PRR20G: variants seen among roughly 807,000 people sequenced by gnomAD.
PRR20G encodes proline-rich protein 20G.
chr3:127,284,058 G>A lies in PRR20G; in HGVS notation c.*2C>T, dbSNP rs1349724475. ...GGCTGGCAGCAATACGGATGACAGA[G>A]GTTAGTGTGCAGAGTGGGCAGGGAA... On this transcript the variant is annotated 3_prime_UTR_variant, in exon 3 of 3. Coordinates refer to ENST00000465482, the MANE Select transcript of PRR20G (RefSeq NM_001362810.2). 6.6e-6 allele frequency: 1 copy of A among 152,482 alleles called. No individual in the cohort carries two copies. The highest frequency in any genetic ancestry group is 1.5e-5 in the Non-Finnish European group (1 of 68,274). The allele number at this position is 152,482 out of a possible 1,614,324, so 9.4% of individuals were successfully genotyped here. A position where few individuals can be genotyped will look rare whatever the true frequency, so the allele number is the denominator to read the frequency against.
intron 2 of PRR20G, among the ~76,000 whole-genome samples, chr3:127,285,232 T>C (rs2080381469): frequency 6.6e-6 from 1 of 152,164 alleles, no homozygotes; most frequent in South Asian, 2.1e-4. Context: ...CAAGTAAGCA[T>C]CTTAACATGT....
chr3:127,287,625 T>C (rs1197705783), intron 1 of PRR20G, among the ~76,000 whole-genome samples: 7 of 152,274 alleles, frequency 4.6e-5, no homozygotes, highest in Admixed American at 2.0e-4. Flanking sequence ...CAAGCGGGGA[T>C]TGGCCTAGAG....
intron 2 of PRR20G, among the ~76,000 whole-genome samples, chr3:127,285,236 AAC>A (rs902372303): frequency 9.8e-5 from 15 of 152,366 alleles, no homozygotes; most frequent in African/African-American, 3.6e-4. Context: ...TAAGCATCTT[AAC>A]ATGTATTGGG....
chr3:127,287,603 T>A (rs975619694), intron 1 of PRR20G, among the ~76,000 whole-genome samples: 1 of 152,128 alleles, frequency 6.6e-6, no homozygotes, highest in African/African-American at 2.4e-5. Context: ...GATTTCCAAG[T>A]GGAGCCAGTA....
At position 127,284,218 on chromosome 3, in the gene PRR20G, G is replaced by A. The variant is rs1056323829; in HGVS notation, c.475C>T (p.Pro159Ser). The A allele has an allele frequency of 6.6e-6, 1 of 152,420 alleles. No individual in the cohort carries two copies. The highest frequency in any genetic ancestry group is 2.1e-4 in the South Asian group (1 of 4,838). The allele number at this position is 152,420 out of a possible 1,614,324, so 9.4% of individuals were successfully genotyped here. A position where few individuals can be genotyped will look rare whatever the true frequency, so the allele number is the denominator to read the frequency against. The change falls in exon 3 of 3, where the codon CCT becomes TCT. Residue 159 changes from proline to serine, a missense_variant. Transcript: ENST00000465482. ...TGCCTGGCCACAGCCACAGGCCCAG[G>A]AGCAGGAGGTGGCTCCTGAAGCCCC... Reference protein sequence around the residue: ...EVGLQEPPPAPGPVAVARQTM... With the variant: ...EVGLQEPPPASGPVAVARQTM...
chr3:127,287,307 A>G lies in PRR20G; in HGVS notation c.52+7T>C, dbSNP rs1373893149. ...AATTAAAAAGAGTGGTAGGCGTTTGATGGTACCTTGATTTGGGGCCAGGAA... is the reference window on the plus strand; with the variant it reads ...AATTAAAAAGAGTGGTAGGCGTTTGGTGGTACCTTGATTTGGGGCCAGGAA... On this transcript the variant is annotated splice_region_variant and intron_variant, in intron 2 of 2. Coordinates refer to ENST00000465482, the MANE Select transcript of PRR20G (RefSeq NM_001362810.2). Among the ~76,000 whole-genome samples, 4 of 152,306 alleles carry G rather than the reference A, an allele frequency of 2.6e-5. No individual in the cohort carries two copies. In the East Asian group the frequency reaches 7.7e-4, roughly 29 times the overall value.
chr3:127,285,241 G>A (rs1169645817), intron 2 of PRR20G, among the ~76,000 whole-genome samples: 1 of 152,192 alleles, frequency 6.6e-6, no homozygotes, highest in Non-Finnish European at 1.5e-5. Flanking sequence ...ATCTTAACAT[G>A]TATTGGGAAG....
At chr3:127,284,690 G>A (rs1176518771) in intron 2 of PRR20G, 50 bp from the exon 3 acceptor site, 1 of 153,708 alleles carries the variant, frequency 6.5e-6, no homozygotes, top group East Asian at 1.9e-4. Context: ...TGCCCAGGAA[G>A]CCTTCAGGAA....
intron 2 of PRR20G, among the ~76,000 whole-genome samples, 160 bp downstream of exon 2, chr3:127,287,154 T>G (rs1360897964): frequency 6.6e-6 from 1 of 152,174 alleles, no homozygotes; most frequent in Non-Finnish European, 1.5e-5. Flanking sequence ...GCTACCCAGA[T>G]GGAGGTGGTG....
intron 2 of PRR20G, among the ~76,000 whole-genome samples, chr3:127,286,266 C>A (rs868787006): frequency 6.6e-6 from 1 of 152,098 alleles, no homozygotes; most frequent in African/African-American, 2.4e-5. Context: ...TCAAAAGCAG[C>A]AATTAAATCT....
At chr3:127,287,059 CCA>C (rs1350677159) in intron 2 of PRR20G, among the ~76,000 whole-genome samples, 2 of 151,850 alleles carry the variant, frequency 1.3e-5, no homozygotes, top group African/African-American at 4.8e-5. Context: ...AGCGGGAAGA[CCA>C]TAAATAAAGT....
chr3:127,287,197 T>TTGAGAA (rs1171062406), intron 2 of PRR20G, among the ~76,000 whole-genome samples, 117 bp downstream of exon 2: 3 of 152,100 alleles, frequency 2.0e-5, no homozygotes, highest in Non-Finnish European at 4.4e-5. Context: ...AGAAGGAGCA[T>TTGAGAA]GGGCTGCTGC....
chr3:127,287,150 C>G (rs140685402), intron 2 of PRR20G, among the ~76,000 whole-genome samples, 164 bp downstream of exon 2: 33 of 152,240 alleles, frequency 2.2e-4, no homozygotes, highest in African/African-American at 7.2e-4. Flanking sequence ...AATGGCTACC[C>G]AGATGGAGGT....
At chr3:127,287,524 G>A (rs1309926292) in intron 1 of PRR20G, among the ~76,000 whole-genome samples, 152 bp from the exon 2 acceptor site, 7 of 152,210 alleles carry the variant, frequency 4.6e-5, no homozygotes, top group Non-Finnish European at 8.8e-5. Flanking sequence ...CACTGAGCCC[G>A]CGGGGCGCAG....
At chr3:127,286,011 AT>A (rs1218375022) in intron 2 of PRR20G, among the ~76,000 whole-genome samples, 3 of 152,192 alleles carry the variant, frequency 2.0e-5, no homozygotes, top group Non-Finnish European at 2.9e-5. Context: ...CTCCATGGAA[AT>A]TTTGGAGGAT....
At position 127,284,193 on chromosome 3, in the gene PRR20G, TG is replaced by T. The variant is rs1326467434; in HGVS notation, c.499del (p.Gln167ArgfsTer137). Reference sequence around the variant, plus strand: ...GGAGGGAGAGGGGGCCAACATGGTCTGCCTGGCCACAGCCACAGGCCCAGGA... The same window carrying T: ...GGAGGGAGAGGGGGCCAACATGGTCTCCTGGCCACAGCCACAGGCCCAGGA... ...PAPGPVAVAR[Q>X]TMLAPSPSLS... On this transcript the variant is annotated frameshift_variant, in exon 3 of 3. Coordinates refer to ENST00000465482, the MANE Select transcript of PRR20G (RefSeq NM_001362810.2). LOFTEE classifies it low-confidence loss of function (END_TRUNC). 8 of 152,522 alleles carry T rather than the reference TG, an allele frequency of 5.2e-5. No individual in the cohort carries two copies. Among genetic ancestry groups the T allele is most frequent in the African/African-American group, 1.7e-4 (7 of 41,432 alleles). The allele number at this position is 152,522 out of a possible 1,614,324, so 9.4% of individuals were successfully genotyped here.
At chr3:127,286,208 G>A (rs1394757630) in intron 2 of PRR20G, among the ~76,000 whole-genome samples, 1 of 152,126 alleles carries the variant, frequency 6.6e-6, no homozygotes, top group Non-Finnish European at 1.5e-5. Flanking sequence ...GGGAAGAAAG[G>A]CCATATGGAA....
rs892465899 is a variant in PRR20G at position 127,283,975 on chromosome 3, G to C, written c.*85C>G. 1.3e-5 allele frequency: 2 copies of C among 151,954 alleles called. No individual in the cohort carries two copies. Among genetic ancestry groups the C allele is most frequent in the African/African-American group, 4.8e-5 (2 of 41,282 alleles). 9.4% of individuals were successfully genotyped at this position (151,954 alleles called of 1,614,324 possible). Reference sequence around the variant, plus strand: ...TGACTGGGATGGGCAGGGAGGAGTGGAGCAGAAATGGGGCTAGAGTTTGGG... The same window carrying C: ...TGACTGGGATGGGCAGGGAGGAGTGCAGCAGAAATGGGGCTAGAGTTTGGG... On this transcript the variant is annotated 3_prime_UTR_variant, in exon 3 of 3. Coordinates refer to ENST00000465482, the MANE Select transcript of PRR20G (RefSeq NM_001362810.2).
At position 127,288,003 on chromosome 3, in the gene PRR20G, G is replaced by A. The variant is rs1157029402; in HGVS notation, c.-132C>T. Among the ~76,000 whole-genome samples, 1 of 152,130 alleles carries A rather than the reference G, an allele frequency of 6.6e-6. No homozygotes were observed. The highest frequency in any genetic ancestry group is 2.4e-5 in the African/African-American group (1 of 41,424). Reference sequence around the variant, plus strand: ...CGCCCCCTACCAGGCAGGTAGGAGGGAGCACCCAGCAGTCCTAGTTCGGAG... The same window carrying A: ...CGCCCCCTACCAGGCAGGTAGGAGGAAGCACCCAGCAGTCCTAGTTCGGAG... On this transcript the variant is annotated 5_prime_UTR_variant, in exon 1 of 3. Transcript: ENST00000465482.
Sources: gnomAD v4.1 joint callset for allele counts (sites outside exome capture counted in the v4.1 genomes callset) on GRCh38, gnomAD v4.1.1 for gene constraint, MANE v1.5 for transcripts, NCBI Gene and HGNC (gene_info 2026-07-23, HGNC 2026-07-21) for gene names.